Variants in CSNK2A2IP observed in about 807,000 individuals in gnomAD.
The protein encoded by CSNK2A2IP is casein kinase II subunit alpha'-interacting protein.
the CSNK2A2IP span, among the ~76,000 whole-genome samples, chr3:88,400,418 G>T: frequency 6.6e-6 from 1 of 152,038 alleles, no homozygotes; most frequent in African/African-American, 2.4e-5. Flanking sequence ...GGCCCGCAAA[G>T]GTTTCCATGT....
chr3:88,449,874 T>TAGAGAGAGAGAGAGAGAGAGAGAGAGAG, the CSNK2A2IP span, among the ~76,000 whole-genome samples: 17 of 70,100 alleles, frequency 2.4e-4, no homozygotes, highest in South Asian at 6.5e-4. Flanking sequence ...TATATATATA[T>TAGAGAGAGAGAGAGAGAGAGAGAGAGAG]AGAGAGAGAG....
At chr3:88,458,394 T>C in the CSNK2A2IP span, among the ~76,000 whole-genome samples, 5 of 152,042 alleles carry the variant, frequency 3.3e-5, no homozygotes, top group African/African-American at 1.2e-4. Flanking sequence ...CAAGTGATCC[T>C]CTTGCCTTGG....
At chr3:88,409,173 T>G in the CSNK2A2IP span, among the ~76,000 whole-genome samples, 1 of 152,072 alleles carries the variant, frequency 6.6e-6, no homozygotes, top group Admixed American at 6.6e-5. Context: ...GCAATTTGAT[T>G]CCAATTTTAT....
At chr3:88,389,065 G>T in the CSNK2A2IP span, among the ~76,000 whole-genome samples, 1 of 151,900 alleles carries the variant, frequency 6.6e-6, no homozygotes, top group Non-Finnish European at 1.5e-5. Context: ...ATTTTACTGC[G>T]AGGAGATACA....
the CSNK2A2IP span, among the ~76,000 whole-genome samples, chr3:88,458,281 G>A: frequency 6.6e-6 from 1 of 150,906 alleles, no homozygotes; most frequent in Non-Finnish European, 1.5e-5. Context: ...CATCTGAGTA[G>A]CTGGGATTAC....
At chr3:88,412,571 T>C in the CSNK2A2IP span, among the ~76,000 whole-genome samples, 1 of 151,994 alleles carries the variant, frequency 6.6e-6, no homozygotes, top group Non-Finnish European at 1.5e-5. Context: ...TTTGTGAAAT[T>C]TTTGTGGTTA....
the CSNK2A2IP span, chr3:88,465,723 G>A: frequency 8.1e-7 from 1 of 1,231,702 alleles, no homozygotes; most frequent in Non-Finnish European, 1.0e-6. Context: ...ACTCTCATTT[G>A]TTGCACTCCA....
the CSNK2A2IP span, among the ~76,000 whole-genome samples, chr3:88,441,851 C>G: frequency 1.3e-5 from 2 of 152,084 alleles, no homozygotes; most frequent in African/African-American, 4.8e-5. Flanking sequence ...CTGTGTTTTA[C>G]AGACATTTTC....
At chr3:88,457,741 A>AAAAT in the CSNK2A2IP span, among the ~76,000 whole-genome samples, 2 of 149,706 alleles carry the variant, frequency 1.3e-5, no homozygotes, top group Non-Finnish European at 3.0e-5. Context: ...AAAATAAAAT[A>AAAAT]AAATAAAATA....
chr3:88,349,372 G>A, the CSNK2A2IP span, among the ~76,000 whole-genome samples: 1 of 152,030 alleles, frequency 6.6e-6, no homozygotes, highest in Admixed American at 6.6e-5. Context: ...ACTTATAAGT[G>A]AGAACATATG....
At chr3:88,431,227 G>T in the CSNK2A2IP span, 2 of 152,206 alleles carry the variant, frequency 1.3e-5, no homozygotes, top group African/African-American at 2.4e-5. Context: ...TCAGTCAATT[G>T]TTCACAGTCA....
At chr3:88,367,583 T>C in the CSNK2A2IP span, among the ~76,000 whole-genome samples, 1 of 152,108 alleles carries the variant, frequency 6.6e-6, no homozygotes, top group East Asian at 1.9e-4. Context: ...CACTCAGAAA[T>C]CTGTGTTTTC....
the CSNK2A2IP span, among the ~76,000 whole-genome samples, chr3:88,448,022 C>A: frequency 6.6e-6 from 1 of 152,066 alleles, no homozygotes; most frequent in Non-Finnish European, 1.5e-5. Context: ...TTTCTTTATA[C>A]CTAAAATATT....
At chr3:88,358,101 G>T in the CSNK2A2IP span, among the ~76,000 whole-genome samples, 1 of 152,064 alleles carries the variant, frequency 6.6e-6, no homozygotes, top group Non-Finnish European at 1.5e-5. Flanking sequence ...TATAGCTATT[G>T]TAAATGGGAT....
At chr3:88,362,246 G>A in the CSNK2A2IP span, among the ~76,000 whole-genome samples, 1 of 152,078 alleles carries the variant, frequency 6.6e-6, no homozygotes, top group Non-Finnish European at 1.5e-5. Flanking sequence ...CTTCTTAAGA[G>A]AGCTTTCAGA....
At chr3:88,383,889 T>C in the CSNK2A2IP span, among the ~76,000 whole-genome samples, 1 of 152,106 alleles carries the variant, frequency 6.6e-6, no homozygotes, top group Non-Finnish European at 1.5e-5. Context: ...GGTCTCGATC[T>C]CCTGACCTTG....
chr3:88,411,097 G>A, the CSNK2A2IP span, among the ~76,000 whole-genome samples: 1 of 151,892 alleles, frequency 6.6e-6, no homozygotes. Flanking sequence ...TCATTGTAAA[G>A]TGAATATGAA....
chr3:88,379,146 T>C, the CSNK2A2IP span, among the ~76,000 whole-genome samples: 2 of 151,994 alleles, frequency 1.3e-5, no homozygotes, highest in Non-Finnish European at 2.9e-5. Context: ...TAGAGCTCAG[T>C]CAACAAACCC....
chr3:88,445,963 T>G, the CSNK2A2IP span, among the ~76,000 whole-genome samples: 1 of 121,710 alleles, frequency 8.2e-6, no homozygotes, highest in Admixed American at 7.7e-5. Context: ...TCTCTCTCCC[T>G]CCCTCCCTCT....
Sources: allele counts gnomAD v4.1 joint callset (sites outside exome capture counted in the v4.1 genomes callset), GRCh38; gene constraint gnomAD v4.1.1; transcripts MANE v1.5; gene names NCBI Gene and HGNC (gene_info 2026-07-23, HGNC 2026-07-21).